NUP85: variants seen among roughly 807,000 people sequenced by gnomAD.
The protein encoded by NUP85 is nuclear pore complex protein Nup85.
Under a neutral mutation model 92.8 loss-of-function variants are expected in NUP85, and 23 were observed. The observed-to-expected ratio is 0.25, with a 90% CI of 0.18 to 0.35. NUP85 has a LOEUF of 0.35. NUP85 is among the 10% of genes least tolerant of loss of function. The pLI is 1.00. For synonymous variants in NUP85, 314 were observed against 306.9 expected, an observed-to-expected ratio of 1.02 and a Z score of -0.24; for missense variants, 759 against 822.8, an observed-to-expected ratio of 0.92 and a Z score of 0.95.
rs1196325200 is a variant in NUP85 at position 75,225,242 on chromosome 17, G to A, written c.732+5G>A. On this transcript the variant is annotated splice_donor_5th_base_variant and intron_variant, in intron 8 of 18. Coordinates refer to ENST00000245544, the MANE Select transcript of NUP85 (RefSeq NM_024844.5). ...AGGACAATGCCCATTCTTAGTGTAC[G>A]TGGGGGTAGCTTTGCTCTGCTGGGT... 1.2e-6 allele frequency: 2 copies of A among 1,605,150 alleles called. No homozygotes were observed. Among genetic ancestry groups the A allele is most frequent in the Non-Finnish European group, 8.5e-7 (1 of 1,173,898 alleles).
chr17:75,230,560 C>T (rs1397971043), intron 11 of NUP85, among the ~76,000 whole-genome samples: 1 of 152,074 alleles, frequency 6.6e-6, no homozygotes, highest in Non-Finnish European at 1.5e-5. Context: ...GGGGTTTCAC[C>T]GTGTTAGCGA....
In NUP85 at chr17:75,218,226, C is replaced by T; in HGVS notation, c.517C>T (p.His173Tyr). 1 of 1,614,010 alleles carries T rather than the reference C, an allele frequency of 6.2e-7. No individual in the cohort carries two copies. Among genetic ancestry groups the T allele is most frequent in the Non-Finnish European group, 8.5e-7 (1 of 1,179,942 alleles). ...LLHLLDWVRL[H>Y]VCEVDSLSAD... is the part of the protein sequence containing the mutation. ...CCATCTCCTTGACTGGGTCCGGCTC[C>T]ATGTGTGCGAGGTGGACAGTTTGTC... The change falls in exon 7 of 19, where the codon CAT (histidine) becomes TAT (tyrosine). Residue 173 changes from histidine to tyrosine, a missense_variant. By Grantham distance (83) the His-to-Tyr change is moderately conservative (BLOSUM62 2). Transcript: ENST00000245544.
At chr17:75,234,950 A>C in intron 17 of NUP85, 150 bp from the exon 18 acceptor site, 1 of 1,068,394 alleles carries the variant, frequency 9.4e-7, no homozygotes, top group Non-Finnish European at 1.4e-6. Flanking sequence ...CACAGGAAAC[A>C]AACACTGCTT....
Position 75,215,802 on chromosome 17 carries a change from C to T in NUP85, c.454C>T (p.Leu152Phe), listed in dbSNP as rs149203073. ...GCTCATCTGGAACCTGTGTGAGATT[C>T]TTTTTATTGAAGTGGCCCCAGGTAG... ...MELIWNLCEI[L>F]FIEVAPAGPL... The change falls in exon 6 of 19, where the codon CTT becomes TTT. Residue 152 changes from leucine (L) to phenylalanine (F), a missense_variant. Transcript: ENST00000245544. 1 of 1,613,962 alleles carries T rather than the reference C, an allele frequency of 6.2e-7. No individual in the cohort carries two copies. The highest frequency in any genetic ancestry group is 8.5e-7 in the Non-Finnish European group (1 of 1,179,852).
intron 8 of NUP85, 42 bp downstream of exon 8, chr17:75,225,279 C>T (rs777717387): frequency 7.6e-5 from 123 of 1,609,074 alleles, no homozygotes; most frequent in Admixed American, 2.5e-4. Context: ...ACAGGAGATG[C>T]GTGATTCACT....
rs1244288115 is a variant in NUP85 at position 75,215,789 on chromosome 17, C to G, written c.441C>G (p.Asn147Lys). 6.2e-7 allele frequency: 1 copy of G among 1,614,032 alleles called. No individual in the cohort carries two copies. The highest frequency in any genetic ancestry group is 1.7e-5 in the Admixed American group (1 of 60,010). The change falls in exon 6 of 19, where the codon AAC becomes AAG. Residue 147 changes from asparagine to lysine, a missense_variant. Asn to Lys is a moderately conservative substitution (Grantham distance 94). Transcript: ENST00000245544. ...SILSAMELIW[N>K]LCEILFIEVA... ...TGTCAGCAATGGAGCTCATCTGGAA[C>G]CTGTGTGAGATTCTTTTTATTGAAG...
At chr17:75,226,700 C>G in intron 11 of NUP85, 1 of 431,658 alleles carries the variant, frequency 2.3e-6, no homozygotes, top group South Asian at 1.7e-5. Context: ...TAGGGACTTC[C>G]TGGAGGCTTG....
At chr17:75,229,071 G>C in intron 11 of NUP85, 8 of 985,462 alleles carry the variant, frequency 8.1e-6, no homozygotes, top group Non-Finnish European at 9.6e-6. Flanking sequence ...ACTGGGAGTT[G>C]GGCAAGATGT....
chr17:75,223,996 CCCT>C (rs1404968044), intron 7 of NUP85, among the ~76,000 whole-genome samples: 2 of 152,084 alleles, frequency 1.3e-5, no homozygotes, highest in African/African-American at 4.8e-5. Flanking sequence ...CTTCTCCAGT[CCCT>C]CCTCTTGGGG....
intron 17 of NUP85, 89 bp downstream of exon 17, chr17:75,234,877 C>A: frequency 6.6e-7 from 1 of 1,511,780 alleles, no homozygotes; most frequent in Non-Finnish European, 9.2e-7. Context: ...CGTGTTTCCT[C>A]CTTTGTCGTT....
In NUP85 at chr17:75,225,092, T is replaced by C. The variant is rs770983553; in HGVS notation, c.598-11T>C. Reference sequence around the variant, plus strand: ...TCCTGCCAATGCTTATGGGCCCGGATCTCCTCCCAGGTGACCATCTTGGTG... The same window carrying C: ...TCCTGCCAATGCTTATGGGCCCGGACCTCCTCCCAGGTGACCATCTTGGTG... On this transcript the variant is annotated splice_polypyrimidine_tract_variant and intron_variant, in intron 7 of 18. Transcript: ENST00000245544. 4 of 1,533,508 alleles carry C rather than the reference T, an allele frequency of 2.6e-6. No individual in the cohort carries two copies. The South Asian group carries it at 3.8e-5, about 15-fold the overall frequency. 95.0% of individuals were successfully genotyped at this position (1,533,508 alleles called of 1,614,324 possible). A position where few individuals can be genotyped will look rare whatever the true frequency, so the allele number is the denominator to read the frequency against.
chr17:75,228,895 T>G, intron 11 of NUP85: 1 of 985,470 alleles, frequency 1.0e-6, no homozygotes, highest in Non-Finnish European at 1.2e-6. Flanking sequence ...GCCAGGGGTT[T>G]GTCTCTCAGT....
At chr17:75,229,604 G>A (rs2075963823) in intron 11 of NUP85, among the ~76,000 whole-genome samples, 1 of 152,190 alleles carries the variant, frequency 6.6e-6, no homozygotes, top group African/African-American at 2.4e-5. Flanking sequence ...GTGTGCGTGT[G>A]TGATCTAAGA....
intron 7 of NUP85, among the ~76,000 whole-genome samples, chr17:75,221,247 A>G (rs8068874): frequency 0.92 from 139,778 of 151,978 alleles, 65,121 homozygotes; most frequent in Non-Finnish European, 1. Context: ...TGCCCAGGCC[A>G]GAGTGCAGTG....
intron 8 of NUP85, 34 bp downstream of exon 8, chr17:75,225,271 A>G (rs1261793535): frequency 6.2e-7 from 1 of 1,608,354 alleles, no homozygotes; most frequent in African/African-American, 1.3e-5. Flanking sequence ...GCTGGGTCAC[A>G]GGAGATGCGT....
intron 5 of NUP85, among the ~76,000 whole-genome samples, chr17:75,213,923 A>G (rs2075352000): frequency 1.4e-5 from 2 of 141,848 alleles, no homozygotes; most frequent in South Asian, 4.4e-4. Context: ...CCAGGCTGGA[A>G]TGCAGTGGCG....
At chr17:75,213,006 T>C (rs1486448130) in intron 4 of NUP85, 70 bp from the exon 5 acceptor site, 12 of 1,407,564 alleles carry the variant, frequency 8.5e-6, no homozygotes, top group Non-Finnish European at 1.2e-5. Context: ...CCATAGACCC[T>C]GGAATATTCA....
At chr17:75,232,526 T>A (rs147588245) in intron 14 of NUP85, among the ~76,000 whole-genome samples, 36 of 152,138 alleles carry the variant, frequency 2.4e-4, no homozygotes, top group African/African-American at 8.2e-4. Flanking sequence ...TCTGGAGAGG[T>A]AATAGAAGAG....
chr17:75,210,320 C>T (rs1252013810), intron 3 of NUP85, among the ~76,000 whole-genome samples: 2 of 152,200 alleles, frequency 1.3e-5, no homozygotes, highest in Non-Finnish European at 2.9e-5. Flanking sequence ...ATAAACCTAA[C>T]AGTTTTGTCT....
Sources: gnomAD v4.1 joint callset for allele counts (sites outside exome capture counted in the v4.1 genomes callset) on GRCh38, gnomAD v4.1.1 for gene constraint, MANE v1.5 for transcripts, NCBI Gene and HGNC (gene_info 2026-07-23, HGNC 2026-07-21) for gene names.